The following PDE4B variants were observed in gnomAD, a reference collection of about 807,000 sequenced individuals.
PDE4B encodes 3',5'-cyclic-AMP phosphodiesterase 4B.
PDE4B carries 20 observed loss-of-function variants against 82.2 expected under a neutral mutation model. The ratio of observed to expected loss-of-function variants is 0.24; its 90% CI spans 0.17 to 0.35. The LOEUF is 0.35. PDE4B is among the 10% of genes least tolerant of loss of function. The pLI, the probability that PDE4B is intolerant of heterozygous loss-of-function variation, is 1.00. For missense variants in PDE4B, 655 were observed against 907.2 expected (o/e 0.72, Z 3.57); for synonymous variants, 320 against 318.9 (o/e 1.00, Z -0.04).
At chr1:66,124,625 AT>A (rs1645782314) in intron 3 of PDE4B, among the ~76,000 whole-genome samples, 1 of 152,020 alleles carries the variant, frequency 6.6e-6, no homozygotes, top group South Asian at 2.1e-4. Context: ...CATCCCCCAT[AT>A]TTTGCCTATA....
chr1:66,329,773 C>T (rs1474209867), intron 7 of PDE4B, among the ~76,000 whole-genome samples: 1 of 152,130 alleles, frequency 6.6e-6, no homozygotes, highest in Non-Finnish European at 1.5e-5. Context: ...AAATTGAGGT[C>T]TAGGACCACA....
intron 7 of PDE4B, among the ~76,000 whole-genome samples, chr1:66,267,817 G>A (rs1327123569): frequency 2.6e-5 from 4 of 152,332 alleles, no homozygotes; most frequent in Non-Finnish European, 5.9e-5. Context: ...AGAAAAGGAA[G>A]GAGGAGACAC....
chr1:66,353,733 T>C (rs1014466548), intron 8 of PDE4B, among the ~76,000 whole-genome samples: 1 of 152,104 alleles, frequency 6.6e-6, no homozygotes, highest in African/African-American at 2.4e-5. Context: ...GAGAGAAACC[T>C]GCAGGGAAGG....
At chr1:66,021,577 C>G (rs1653117461) in intron 3 of PDE4B, among the ~76,000 whole-genome samples, 2 of 152,138 alleles carry the variant, frequency 1.3e-5, no homozygotes, top group African/African-American at 2.4e-5. Context: ...ATAGGGAATC[C>G]TTTCCCCATT....
At chr1:66,326,880 G>GA (rs1331201532) in intron 7 of PDE4B, among the ~76,000 whole-genome samples, 3 of 152,256 alleles carry the variant, frequency 2.0e-5, no homozygotes, top group East Asian at 1.9e-4. Context: ...CAAGCCATGA[G>GA]ACTTAAGGTT....
intron 1 of PDE4B, among the ~76,000 whole-genome samples, chr1:65,851,253 T>C (rs774423143): frequency 1.2e-4 from 19 of 152,152 alleles, no homozygotes; most frequent in Non-Finnish European, 2.4e-4. Flanking sequence ...ACAGTTTAAG[T>C]CCTCCCAATA....
chr1:65,960,991 TA>T (rs975045596), intron 3 of PDE4B, among the ~76,000 whole-genome samples: 2 of 152,090 alleles, frequency 1.3e-5, no homozygotes, highest in Admixed American at 6.5e-5. Context: ...ATTTATTCAT[TA>T]AAAAAATTAT....
intron 2 of PDE4B, 128 bp downstream of exon 2, chr1:65,913,484 C>T: frequency 1.2e-6 from 1 of 812,952 alleles, no homozygotes; most frequent in Non-Finnish European, 2.1e-6. Context: ...ATGACATGGG[C>T]ACAGCCAGCA....
chr1:66,226,124 AT>A (rs1651433108), intron 3 of PDE4B, among the ~76,000 whole-genome samples: 1 of 152,178 alleles, frequency 6.6e-6, no homozygotes, highest in South Asian at 2.1e-4. Flanking sequence ...AATGCTTTTA[AT>A]TTTTTTAACT....
chr1:66,268,667 C>CA (rs36046564), intron 7 of PDE4B, among the ~76,000 whole-genome samples: 3,503 of 61,110 alleles, frequency 0.057, 351 homozygotes, highest in African/African-American at 0.2. Flanking sequence ...GACTCCATCT[C>CA]AAAAAAAAAA....
At chr1:66,301,276 C>A (rs1657876445) in intron 7 of PDE4B, among the ~76,000 whole-genome samples, 1 of 152,140 alleles carries the variant, frequency 6.6e-6, no homozygotes, top group Admixed American at 6.5e-5. Context: ...CTCATTTGAT[C>A]AGCAAGTATT....
chr1:66,066,050 T>C (rs1655828775), intron 3 of PDE4B, among the ~76,000 whole-genome samples: 1 of 151,736 alleles, frequency 6.6e-6, no homozygotes, highest in Non-Finnish European at 1.5e-5. Context: ...TCATTCAGTC[T>C]TCTTTTGGGT....
intron 1 of PDE4B, among the ~76,000 whole-genome samples, chr1:65,802,774 T>G (rs748034242): frequency 1.6e-4 from 25 of 152,154 alleles, no homozygotes; most frequent in Non-Finnish European, 3.4e-4. Flanking sequence ...TATCTAATTT[T>G]TTTAATCAGT....
intron 3 of PDE4B, among the ~76,000 whole-genome samples, chr1:66,095,145 C>G (rs146392827): frequency 1.3e-5 from 2 of 149,586 alleles, no homozygotes; most frequent in South Asian, 2.1e-4. Flanking sequence ...CTAGTTTAAA[C>G]TCCACTTTGA....
chr1:66,229,816 C>A (rs1177761290), intron 3 of PDE4B, among the ~76,000 whole-genome samples: 2 of 152,132 alleles, frequency 1.3e-5, no homozygotes, highest in East Asian at 3.9e-4. Flanking sequence ...ATCCTCACAG[C>A]AAGCTTTTAG....
chr1:65,931,260 A>G (rs1647816208), intron 3 of PDE4B, among the ~76,000 whole-genome samples: 1 of 152,232 alleles, frequency 6.6e-6, no homozygotes, highest in African/African-American at 2.4e-5. Context: ...AGCCTGCAGA[A>G]CAATGAGCGA....
At chr1:65,822,739 A>G (rs564118850) in intron 1 of PDE4B, among the ~76,000 whole-genome samples, 1 of 152,290 alleles carries the variant, frequency 6.6e-6, no homozygotes, top group East Asian at 1.9e-4. Context: ...TCTGGAGGAC[A>G]TGGCAAGCAA....
intron 3 of PDE4B, among the ~76,000 whole-genome samples, chr1:66,219,010 C>T (rs1204626069): frequency 6.6e-6 from 1 of 152,088 alleles, no homozygotes; most frequent in Non-Finnish European, 1.5e-5. Context: ...ATCAGTGTTC[C>T]TGTCTTCTCA....
intron 1 of PDE4B, among the ~76,000 whole-genome samples, chr1:65,842,201 G>A (rs759602191): frequency 6.6e-6 from 1 of 152,092 alleles, no homozygotes; most frequent in Non-Finnish European, 1.5e-5. Flanking sequence ...ATTGAGTATT[G>A]ACTTGCCAGA....
Sources: gnomAD v4.1 joint callset for allele counts (sites outside exome capture counted in the v4.1 genomes callset) on GRCh38, gnomAD v4.1.1 for gene constraint, MANE v1.5 for transcripts, NCBI Gene and HGNC (gene_info 2026-07-23, HGNC 2026-07-21) for gene names.